Variants in SHANK2 observed in about 807,000 individuals in gnomAD.
SHANK2 encodes the protein SH3 and multiple ankyrin repeat domains protein 2.
SHANK2 carries 43 observed loss-of-function variants against 133.7 expected under a neutral mutation model. The ratio of observed to expected loss-of-function variants is 0.32; its 90% CI spans 0.25 to 0.41. The LOEUF (loss-of-function observed/expected upper bound fraction) is 0.41. Among genes scored for constraint, SHANK2 ranks in the 10% least tolerant of loss-of-function variants. SHANK2 has a pLI of 1.00. For synonymous variants in SHANK2, 1,017 were observed against 952.8 expected (o/e 1.07, Z -1.24); for missense variants, 1,994 against 2,235.8 (o/e 0.89, Z 2.18).
At chr11:70,481,810 C>G (rs2058736825) in intron 25 of SHANK2, among the ~76,000 whole-genome samples, 1 of 152,238 alleles carries the variant, frequency 6.6e-6, no homozygotes. Context: ...GTTCTTAAGG[C>G]TCCCTCTGAT....
chr11:70,878,244 G>C (rs1555071741), intron 11 of SHANK2, among the ~76,000 whole-genome samples: 1 of 152,196 alleles, frequency 6.6e-6, no homozygotes, highest in African/African-American at 2.4e-5. Context: ...AATATTCATG[G>C]AGAACTGGGA....
intron 17 of SHANK2, among the ~76,000 whole-genome samples, chr11:70,591,963 A>G (rs1226026633): frequency 6.6e-6 from 1 of 152,070 alleles, no homozygotes; most frequent in African/African-American, 2.4e-5. Flanking sequence ...GGTTGCAGTG[A>G]GCTGAGATGG....
intron 17 of SHANK2, among the ~76,000 whole-genome samples, chr11:70,639,263 C>G (rs527970225): frequency 2.0e-5 from 3 of 152,176 alleles, no homozygotes; most frequent in African/African-American, 7.2e-5. Flanking sequence ...GTCCATCAGG[C>G]CTTTGCTCAG....
intron 17 of SHANK2, among the ~76,000 whole-genome samples, chr11:70,641,292 A>T (rs781913321): frequency 3.3e-5 from 5 of 152,004 alleles, no homozygotes; most frequent in Non-Finnish European, 5.9e-5. Context: ...ATGGGGTTTC[A>T]CCGTGGTAGC....
intron 14 of SHANK2, among the ~76,000 whole-genome samples, chr11:70,700,494 A>G (rs1414325783): frequency 6.6e-6 from 1 of 152,162 alleles, no homozygotes; most frequent in African/African-American, 2.4e-5. Flanking sequence ...AGATAAAAAC[A>G]CAGTATACAC....
chr11:70,855,028 C>T (rs1220102020), intron 11 of SHANK2, among the ~76,000 whole-genome samples: 1 of 152,232 alleles, frequency 6.6e-6, no homozygotes, highest in Non-Finnish European at 1.5e-5. Context: ...CTGGGCCCGG[C>T]CCGTAGTCCT....
intron 2 of SHANK2, among the ~76,000 whole-genome samples, chr11:71,209,018 G>A (rs1328506177): frequency 2.6e-5 from 4 of 152,152 alleles, no homozygotes; most frequent in African/African-American, 9.7e-5. Flanking sequence ...GAGGACACTC[G>A]GCCCCAATGT....
At chr11:70,691,504 A>G (rs1157870891) in intron 15 of SHANK2, among the ~76,000 whole-genome samples, 1 of 152,208 alleles carries the variant, frequency 6.6e-6, no homozygotes, top group East Asian at 1.9e-4. Flanking sequence ...GAGCTGGGCC[A>G]TCTGTGGTTG....
Position 71,208,830 on chromosome 11 carries a change from C to T in SHANK2, c.-13+15867G>A, listed in dbSNP as rs751317648. Among the ~76,000 whole-genome samples, 13 of 152,104 alleles carry T rather than the reference C, an allele frequency of 8.5e-5. No individual in the cohort carries two copies. The South Asian group carries it at 1.2e-3, about 15-fold the overall frequency. ...TGCTCAATAAATCGCATCTAAGGCACGCACACACACACACTCTCTGACTTA... is the reference window on the plus strand; with the variant it reads ...TGCTCAATAAATCGCATCTAAGGCATGCACACACACACACTCTCTGACTTA... On this transcript the variant is annotated intron_variant, in intron 2 of 25. Coordinates refer to ENST00000601538, the MANE Select transcript of SHANK2 (RefSeq NM_012309.5).
intron 10 of SHANK2, among the ~76,000 whole-genome samples, chr11:70,900,214 C>T (rs541761873): frequency 4.6e-5 from 7 of 152,076 alleles, no homozygotes; most frequent in African/African-American, 7.2e-5. Flanking sequence ...ATTAGCTGGG[C>T]GTGGTAGCAT....
chr11:70,848,821 T>C (rs1555064517), intron 11 of SHANK2, among the ~76,000 whole-genome samples: 1 of 152,130 alleles, frequency 6.6e-6, no homozygotes. Flanking sequence ...AATTACAGAA[T>C]GGGAGAGCCA....
intron 17 of SHANK2, among the ~76,000 whole-genome samples, chr11:70,621,550 G>A (rs976411836): frequency 9.2e-5 from 14 of 152,218 alleles, no homozygotes; most frequent in African/African-American, 1.4e-4. Context: ...TGGGAAATAC[G>A]GGTGGACTGG....
rs782236024 is a variant in SHANK2, at chr11:70,473,178, G to C, written c.5241C>G (p.Pro1747=). 5 of 1,613,558 alleles carry C rather than the reference G, an allele frequency of 3.1e-6. No individual in the cohort carries two copies. The highest frequency in any genetic ancestry group is 3.4e-6 in the Non-Finnish European group (4 of 1,179,448). ...TCAAGCCAAATAGATCCCCAGAAGGGGGCTGGCTTGGAAGGCTAAAGACAT... is the reference window on the plus strand; with the variant it reads ...TCAAGCCAAATAGATCCCCAGAAGGCGGCTGGCTTGGAAGGCTAAAGACAT... The part of the protein sequence containing the change: ...LSDVFSLPSQ[P]PSGDLFGLNP... The change falls in exon 26 of 26, where the codon CCC becomes CCG. Residue 1747 remains proline, a synonymous_variant. Coordinates refer to ENST00000601538, the MANE Select transcript of SHANK2 (RefSeq NM_012309.5). The surrounding 1 kb of genome is among the most constrained non-coding windows in gnomAD (Gnocchi z 5.9).
At chr11:71,140,594 C>T (rs184823610) in intron 3 of SHANK2, among the ~76,000 whole-genome samples, 26 of 152,296 alleles carry the variant, frequency 1.7e-4, no homozygotes, top group Admixed American at 1.3e-3. Flanking sequence ...TGAGAGCCTC[C>T]GAGTGTGGGT....
intron 14 of SHANK2, among the ~76,000 whole-genome samples, chr11:70,777,519 T>C (rs988431836): frequency 3.3e-5 from 5 of 151,114 alleles, no homozygotes; most frequent in Non-Finnish European, 4.4e-5. Context: ...ACCTATCCAT[T>C]CATCCATCCA....
chr11:70,809,455 C>G (rs1948234023), intron 12 of SHANK2, among the ~76,000 whole-genome samples: 1 of 152,230 alleles, frequency 6.6e-6, no homozygotes, highest in Non-Finnish European at 1.5e-5. Context: ...CCTGCCTTCA[C>G]TACTGTAATC....
rs548511090 is a variant in SHANK2, at chr11:70,592,573, G to A, written c.2061+67255C>T. Among the ~76,000 whole-genome samples, 15 of 151,996 alleles carry A rather than the reference G, an allele frequency of 9.9e-5. 1 individual carries two copies. The highest frequency in any genetic ancestry group is 6.3e-4 in the South Asian group (3 of 4,788). On this transcript the variant is annotated intron_variant, in intron 17 of 25. Coordinates refer to ENST00000601538, the MANE Select transcript of SHANK2 (RefSeq NM_012309.5). ...CGGTGGCCCCCCTTCTGCCCAAGGC[G>A]GGTCTTGGGCAGCCTCTGTCCCTCT...
intron 17 of SHANK2, among the ~76,000 whole-genome samples, chr11:70,638,168 C>T (rs1442928884): frequency 6.6e-6 from 1 of 151,806 alleles, no homozygotes; most frequent in African/African-American, 2.4e-5. Context: ...CACTGCACTG[C>T]TCAGAGCAGG....
intron 10 of SHANK2, among the ~76,000 whole-genome samples, chr11:70,902,968 C>G (rs374163925): frequency 6.6e-6 from 1 of 152,152 alleles, no homozygotes; most frequent in African/African-American, 2.4e-5. Flanking sequence ...GGAGACAGCA[C>G]GGCCCCCCTC....
Sources: allele counts gnomAD v4.1 joint callset (sites outside exome capture counted in the v4.1 genomes callset), GRCh38; gene constraint gnomAD v4.1.1; non-coding constraint Gnocchi (gnomAD v3.1); transcripts MANE v1.5; gene names NCBI Gene and HGNC (gene_info 2026-07-23, HGNC 2026-07-21).